The following SPACA7 variants were observed in gnomAD, a reference collection of about 807,000 sequenced individuals.
SPACA7 encodes sperm acrosome-associated protein 7.
In SPACA7, 19 loss-of-function variants were observed where a neutral mutation model predicts 26.3. The observed-to-expected ratio is 0.72, with a 90% CI of 0.50 to 1.06. The LOEUF is 1.06. SPACA7 is among the 50% of genes least tolerant of loss of function. SPACA7 has a pLI of 0.00. For synonymous variants in SPACA7, 84 were observed against 84.5 expected (o/e 0.99, Z 0.04); for missense variants, 211 against 229.9 (o/e 0.92, Z 0.53).
At chr13:112,385,164 T>G (rs1407574788) in intron 1 of SPACA7, among the ~76,000 whole-genome samples, 1 of 152,256 alleles carries the variant, frequency 6.6e-6, no homozygotes, top group Non-Finnish European at 1.5e-5. Context: ...GAATTTTGTA[T>G]AAGATTAACC....
chr13:112,380,564 C>A (rs1012149769), intron 1 of SPACA7, among the ~76,000 whole-genome samples: 3 of 152,090 alleles, frequency 2.0e-5, no homozygotes, highest in African/African-American at 7.2e-5. Flanking sequence ...GCTAGTGTAT[C>A]TTCACCACAT....
At chr13:112,413,771 T>A (rs1203480062) in intron 5 of SPACA7, among the ~76,000 whole-genome samples, 3 of 152,244 alleles carry the variant, frequency 2.0e-5, no homozygotes, top group Non-Finnish European at 4.4e-5. Context: ...TATTTTCCCC[T>A]CTGACTGTAT....
chr13:112,394,889 C>T (rs1274448891), intron 2 of SPACA7, among the ~76,000 whole-genome samples: 4 of 152,160 alleles, frequency 2.6e-5, no homozygotes, highest in Non-Finnish European at 5.9e-5. Flanking sequence ...GGGTCCTGAC[C>T]AACTAAACCT....
intron 5 of SPACA7, among the ~76,000 whole-genome samples, chr13:112,426,376 A>T (rs1260509814): frequency 2.0e-5 from 3 of 152,248 alleles, no homozygotes; most frequent in Non-Finnish European, 4.4e-5. Context: ...TTCAAAATCA[A>T]TCTGGCTATT....
chr13:112,408,378 G>A (rs1254328847), intron 5 of SPACA7, among the ~76,000 whole-genome samples: 1 of 152,116 alleles, frequency 6.6e-6, no homozygotes, highest in Admixed American at 6.5e-5. Context: ...GGGCAATCAG[G>A]CAGGAGAAAG....
At chr13:112,380,240 C>T (rs1235846764) in intron 1 of SPACA7, among the ~76,000 whole-genome samples, 1 of 151,846 alleles carries the variant, frequency 6.6e-6, no homozygotes, top group Non-Finnish European at 1.5e-5. Context: ...CATGGTGAAA[C>T]CCCATCTCTA....
At chr13:112,415,453 G>A (rs148050860) in intron 5 of SPACA7, among the ~76,000 whole-genome samples, 1 of 152,306 alleles carries the variant, frequency 6.6e-6, no homozygotes, top group African/African-American at 2.4e-5. Context: ...TCCAGCCTGG[G>A]GTCGGCCTAG....
chr13:112,430,989 G>A (rs1306249080), intron 5 of SPACA7, among the ~76,000 whole-genome samples: 3 of 152,148 alleles, frequency 2.0e-5, no homozygotes, highest in South Asian at 4.1e-4. Context: ...AATCTCTCTG[G>A]TGTAGGTTAT....
rs937835924 is a variant in SPACA7 at position 112,402,073 on chromosome 13, T to C, written c.445+909T>C. ...ATTTTTGGTAACATGTCTAATTTCCTTTCCTTGAGTTTATGTTTTTATTGG... is the reference window on the plus strand; with the variant it reads ...ATTTTTGGTAACATGTCTAATTTCCCTTCCTTGAGTTTATGTTTTTATTGG... On this transcript the variant is annotated intron_variant, in intron 5 of 6. Coordinates refer to ENST00000283550, the MANE Select transcript of SPACA7 (RefSeq NM_145248.5). Among the ~76,000 whole-genome samples the C allele has an allele frequency of 2.6e-5, 4 of 152,228 alleles. No individual in the cohort carries two copies. In the South Asian group the frequency reaches 8.3e-4, roughly 32 times the overall value.
At chr13:112,382,200 C>A in intron 1 of SPACA7, 2 of 456,862 alleles carry the variant, frequency 4.4e-6, no homozygotes, top group Non-Finnish European at 7.7e-6. Flanking sequence ...ATCTTGCAAA[C>A]GTGGTTTCAA....
At chr13:112,401,238 C>T in intron 5 of SPACA7, 74 bp downstream of exon 5, 2 of 1,198,064 alleles carry the variant, frequency 1.7e-6, no homozygotes, top group South Asian at 1.3e-5. Flanking sequence ...GACTGTCTCC[C>T]TCCAGCCTCG....
rs544348198 is a variant in SPACA7, at chr13:112,404,110, G to A, written c.445+2946G>A. ...TATTATTTTTTGATTTTTTGATTAT[G>A]GCCACTCTTGCAGGAGTGAGGTGGT... On this transcript the variant is annotated intron_variant, in intron 5 of 6. Coordinates refer to ENST00000283550, the MANE Select transcript of SPACA7 (RefSeq NM_145248.5). Among the ~76,000 whole-genome samples the A allele has an allele frequency of 2.6e-5, 4 of 152,184 alleles. No individual in the cohort carries two copies. The East Asian group carries it at 7.7e-4, about 29-fold the overall frequency.
At chr13:112,429,564 A>G (rs1288728582) in intron 5 of SPACA7, among the ~76,000 whole-genome samples, 1 of 152,102 alleles carries the variant, frequency 6.6e-6, no homozygotes, top group East Asian at 1.9e-4. Context: ...TAGACAGCGT[A>G]TGGTTGGCTC....
At chr13:112,410,669 T>C (rs1536677) in intron 5 of SPACA7, among the ~76,000 whole-genome samples, 99,741 of 151,890 alleles carry the variant, frequency 0.66, 33,294 homozygotes, top group African/African-American at 0.78. Flanking sequence ...GGGGAGGATG[T>C]AGAGAAATTG....
At chr13:112,397,632 G>A (rs1440906611) in intron 2 of SPACA7, among the ~76,000 whole-genome samples, 3 of 152,188 alleles carry the variant, frequency 2.0e-5, no homozygotes, top group Admixed American at 6.5e-5. Context: ...CCATAGGGAC[G>A]TAAAAGAAGA....
intron 5 of SPACA7, among the ~76,000 whole-genome samples, chr13:112,423,879 G>T (rs1172362758): frequency 6.6e-6 from 1 of 152,134 alleles, no homozygotes; most frequent in Non-Finnish European, 1.5e-5. Flanking sequence ...AACAATAGAA[G>T]TCAAAAGACA....
intron 4 of SPACA7, among the ~76,000 whole-genome samples, chr13:112,399,477 C>A (rs1183236839): frequency 6.6e-6 from 1 of 152,244 alleles, no homozygotes; most frequent in Non-Finnish European, 1.5e-5. Context: ...ATGCCTGGCC[C>A]CCTCTCCCAA....
At chr13:112,378,428 T>C (rs1883833277) in intron 1 of SPACA7, among the ~76,000 whole-genome samples, 1 of 152,332 alleles carries the variant, frequency 6.6e-6, no homozygotes, top group African/African-American at 2.4e-5. Context: ...CAAAAATATA[T>C]CACATCTTAC....
intron 5 of SPACA7, among the ~76,000 whole-genome samples, chr13:112,428,705 A>G (rs1207216869): frequency 2.0e-5 from 3 of 152,244 alleles, no homozygotes; most frequent in African/African-American, 4.8e-5. Context: ...GTGAGAAAAT[A>G]TATGTTATAT....
Sources: allele counts gnomAD v4.1 joint callset (sites outside exome capture counted in the v4.1 genomes callset), GRCh38; gene constraint gnomAD v4.1.1; transcripts MANE v1.5; gene names NCBI Gene and HGNC (gene_info 2026-07-23, HGNC 2026-07-21).